Variants in CDH2 observed in about 807,000 individuals in gnomAD.
CDH2 encodes cadherin-2.
A neutral mutation model predicts 92.0 loss-of-function variants in CDH2; 17 were observed. That is an observed-to-expected ratio of 0.18 (90% CI 0.13 to 0.28). CDH2 has a LOEUF of 0.28. CDH2 is among the 10% of genes least tolerant of loss of function. The pLI, the probability that CDH2 is intolerant of heterozygous loss-of-function variation, is 1.00. For missense variants in CDH2, 862 were observed against 1,133.1 expected, an observed-to-expected ratio of 0.76 and a Z score of 3.44; for synonymous variants, 419 against 415.9, an observed-to-expected ratio of 1.01 and a Z score of -0.09.
intron 15 of CDH2, chr18:27,959,472 C>T (rs1039961111): frequency 6.6e-5 from 10 of 152,122 alleles, no homozygotes; most frequent in African/African-American, 2.4e-4. Context: ...AATTTGTGTG[C>T]CTTTTAAATA....
At chr18:28,093,350 C>T (rs925763657) in intron 2 of CDH2, among the ~76,000 whole-genome samples, 1 of 152,082 alleles carries the variant, frequency 6.6e-6, no homozygotes, top group South Asian at 2.1e-4. Flanking sequence ...GTCTCTTCTT[C>T]CTGATCCCTC....
chr18:28,177,054 A>AGGAGGCGGCGGCGGC lies in CDH2; in HGVS notation c.-47_-33dup. 1 of 1,434,688 alleles carries AGGAGGCGGCGGCGGC rather than the reference A, an allele frequency of 7.0e-7. No individual in the cohort carries two copies. The highest frequency in any genetic ancestry group is 1.3e-5 in the South Asian group (1 of 77,234). 88.9% of individuals were successfully genotyped at this position (1,434,688 alleles called of 1,614,324 possible). A position where few individuals can be genotyped will look rare whatever the true frequency, so the allele number is the denominator to read the frequency against. On this transcript the variant is annotated 5_prime_UTR_variant, in exon 1 of 16. Coordinates refer to ENST00000269141, the MANE Select transcript of CDH2 (RefSeq NM_001792.5). ...GGAGAGGGGCCGAGCGAAGAGCCGG[A>AGGAGGCGGCGGCGGC]GGAGGCGGCGGCGGCGGCGGCGGCG... is the stretch of plus-strand genomic sequence containing the variant.
At chr18:28,060,412 C>T (rs2014379977) in intron 2 of CDH2, among the ~76,000 whole-genome samples, 1 of 152,100 alleles carries the variant, frequency 6.6e-6, no homozygotes, top group Non-Finnish European at 1.5e-5. Flanking sequence ...GTCTCGAGCT[C>T]CTGAACTCAA....
chr18:28,104,564 G>A (rs551364369), intron 2 of CDH2, among the ~76,000 whole-genome samples: 2 of 151,430 alleles, frequency 1.3e-5, no homozygotes, highest in South Asian at 4.2e-4. Flanking sequence ...GGTGAGAAGT[G>A]TAAGTAAAAT....
chr18:28,037,709 T>TA (rs1290474165), intron 2 of CDH2, among the ~76,000 whole-genome samples: 2 of 152,280 alleles, frequency 1.3e-5, no homozygotes, highest in Admixed American at 1.3e-4. Context: ...TGGGCAAACT[T>TA]ACAAAAACTT....
intron 14 of CDH2, among the ~76,000 whole-genome samples, chr18:27,967,261 C>T (rs2011553750): frequency 6.6e-6 from 1 of 152,188 alleles, no homozygotes; most frequent in African/African-American, 2.4e-5. Flanking sequence ...CCTCCGGCCA[C>T]AGGGTGGGCT....
intron 1 of CDH2, chr18:28,159,094 G>A (rs2016266400): frequency 6.6e-6 from 1 of 152,194 alleles, no homozygotes; most frequent in Non-Finnish European, 1.5e-5. Context: ...AGAGTCCTGA[G>A]ACTAAAAAGT....
At chr18:28,153,129 T>G (rs941627510) in intron 1 of CDH2, among the ~76,000 whole-genome samples, 2 of 152,216 alleles carry the variant, frequency 1.3e-5, no homozygotes, top group African/African-American at 4.8e-5. Context: ...ATTTAGGCTC[T>G]GACTTTAAAG....
chr18:28,060,066 ATC>A (rs1227221304), intron 2 of CDH2, among the ~76,000 whole-genome samples: 1 of 152,060 alleles, frequency 6.6e-6, no homozygotes, highest in African/African-American at 2.4e-5. Flanking sequence ...ACAAGTTCCT[ATC>A]AGGAGTACAT....
intron 14 of CDH2, among the ~76,000 whole-genome samples, chr18:27,975,735 G>C (rs918278484): frequency 2.6e-5 from 4 of 152,320 alleles, no homozygotes; most frequent in Admixed American, 2.6e-4. Context: ...CAGCCTTTTG[G>C]GTACCCACAC....
chr18:28,037,151 CA>C (rs1051840133), intron 2 of CDH2, among the ~76,000 whole-genome samples: 2 of 151,924 alleles, frequency 1.3e-5, no homozygotes, highest in South Asian at 2.1e-4. Context: ...GATTAAATGT[CA>C]AAAAAAGTGT....
At chr18:28,038,977 T>C (rs1433258477) in intron 2 of CDH2, among the ~76,000 whole-genome samples, 1 of 152,144 alleles carries the variant, frequency 6.6e-6, no homozygotes, top group Non-Finnish European at 1.5e-5. Context: ...CCTGTGAAGA[T>C]TTGGCAATTT....
chr18:28,122,650 A>G (rs1294518358), intron 2 of CDH2, among the ~76,000 whole-genome samples: 2 of 152,156 alleles, frequency 1.3e-5, no homozygotes, highest in Non-Finnish European at 2.9e-5. Flanking sequence ...ACAAGTTAGC[A>G]CGAAGATTTC....
Position 28,027,835 on chromosome 18 carries a change from AGTTTT to A in CDH2, c.173-13931_173-13927del, listed in dbSNP as rs1041264772. On this transcript the variant is annotated intron_variant, in intron 2 of 15. Coordinates refer to ENST00000269141, the MANE Select transcript of CDH2 (RefSeq NM_001792.5). ...TATATAAAATTATCAGTGCTTAGGC[AGTTTT>A]GTTTTGTTTTTTTTTTTTGCAGAAT... 2.5e-4 allele frequency among the ~76,000 whole-genome samples: 32 copies of A among 130,410 alleles called. 1 individual carries two copies. The South Asian group carries it at 5.4e-3, about 22-fold the overall frequency. The allele number at this position is 130,410 out of a possible 152,430, so 85.6% of individuals were successfully genotyped here. A position where few individuals can be genotyped will look rare whatever the true frequency, so the allele number is the denominator to read the frequency against.
At chr18:27,971,006 G>C (rs1331308351) in intron 14 of CDH2, among the ~76,000 whole-genome samples, 1 of 152,220 alleles carries the variant, frequency 6.6e-6, no homozygotes, top group Non-Finnish European at 1.5e-5. Context: ...GGGAGGCCAA[G>C]GAGGATGGAT....
At chr18:28,034,483 C>T (rs2013776959) in intron 2 of CDH2, among the ~76,000 whole-genome samples, 2 of 152,020 alleles carry the variant, frequency 1.3e-5, no homozygotes, top group Admixed American at 6.6e-5. Flanking sequence ...AAGTTAAAAT[C>T]CAAATATCAC....
chr18:28,141,992 A>G (rs975700950), intron 2 of CDH2, among the ~76,000 whole-genome samples: 12 of 152,056 alleles, frequency 7.9e-5, no homozygotes, highest in Non-Finnish European at 1.5e-4. Context: ...ATTTAAATGC[A>G]AAGGCACACA....
chr18:28,125,084 C>T (rs772588329), intron 2 of CDH2, among the ~76,000 whole-genome samples: 82 of 152,312 alleles, frequency 5.4e-4, no homozygotes, highest in African/African-American at 1.6e-3. Context: ...TTACAATTTA[C>T]GTTCCAGTAC....
chr18:28,049,193 A>T (rs2014140771), intron 2 of CDH2, among the ~76,000 whole-genome samples: 1 of 152,142 alleles, frequency 6.6e-6, no homozygotes, highest in Admixed American at 6.6e-5. Flanking sequence ...GAAAAAGTTT[A>T]AAAAAATAAG....
Sources: gnomAD v4.1 joint callset for allele counts (sites outside exome capture counted in the v4.1 genomes callset) on GRCh38, gnomAD v4.1.1 for gene constraint, MANE v1.5 for transcripts, NCBI Gene and HGNC (gene_info 2026-07-23, HGNC 2026-07-21) for gene names.